Variants in NFX1 observed in about 807,000 individuals in gnomAD.
The protein encoded by NFX1 is nuclear transcription factor, X-box binding 1, also known as transcriptional repressor NF-X1.
NFX1 carries 69 observed loss-of-function variants against 137.2 expected under a neutral mutation model. The observed-to-expected ratio is 0.50, with a 90% CI of 0.41 to 0.61. The LOEUF is 0.61. Ranked by LOEUF, NFX1 falls within the 20% of genes least tolerant of loss-of-function variation. The pLI is 0.00. For missense variants in NFX1, 1,167 were observed against 1,391.0 expected, an observed-to-expected ratio of 0.84 and a Z score of 2.56; for synonymous variants, 495 against 474.1, an observed-to-expected ratio of 1.04 and a Z score of -0.57.
At chr9:33,333,134 CCA>C (rs10552550) in intron 11 of NFX1, among the ~76,000 whole-genome samples, 3,205 of 152,316 alleles carry the variant, frequency 0.021, 129 homozygotes, top group African/African-American at 0.073. Context: ...GCATGAGTCA[CCA>C]CACCGGCCTC....
In NFX1 at chr9:33,290,589, C is replaced by G; in HGVS notation, c.17C>G (p.Pro6Arg). 9.3e-6 allele frequency: 15 copies of G among 1,613,882 alleles called. No individual in the cohort carries two copies. Among genetic ancestry groups the G allele is most frequent in the Non-Finnish European group, 1.3e-5 (15 of 1,179,954 alleles). The change falls in exon 1 of 24, where the codon CCT (proline) becomes CGT (arginine). Residue 6 changes from proline (P) to arginine (R), a missense_variant. By Grantham distance (103) the Pro-to-Arg change is moderately radical (BLOSUM62 -2). Transcript: ENST00000379540. ...CGGCACGGGATGGCGGAGGCGCCTC[C>G]TGTCTCAGGTATTGTCCCGGCCCGA... Reference protein sequence around the residue: MAEAPPVSGTFKFNTD... With the variant: MAEAPRVSGTFKFNTD...
At chr9:33,355,028 G>A in intron 19 of NFX1, 136 bp downstream of exon 19, 1 of 777,604 alleles carries the variant, frequency 1.3e-6, no homozygotes, top group Non-Finnish European at 2.1e-6. Flanking sequence ...CAAGAGAAAT[G>A]CCGTTACCAA....
At chr9:33,298,485 A>T (rs968102132) in intron 2 of NFX1, among the ~76,000 whole-genome samples, 1 of 152,202 alleles carries the variant, frequency 6.6e-6, no homozygotes, top group Admixed American at 6.5e-5. Context: ...ATTCTAAAAT[A>T]ATCACTTAGG....
At chr9:33,354,778 C>A in intron 18 of NFX1, 73 bp from the exon 19 acceptor site, 1 of 1,395,234 alleles carries the variant, frequency 7.2e-7, no homozygotes, top group Non-Finnish European at 9.7e-7. Context: ...TTGACTGAGA[C>A]TTCCTTTTCT....
In NFX1 at chr9:33,313,938, G is replaced by A. The variant is rs1460166305; in HGVS notation, c.1588+145G>A. ...GAACTGGAGATACGATGCTTAGACG[G>A]TTTTTATTATTTTACCTGCATACCA... On this transcript the variant is annotated intron_variant, in intron 7 of 23. Coordinates refer to ENST00000379540, the MANE Select transcript of NFX1 (RefSeq NM_002504.6). The A allele has an allele frequency of 4.0e-6, 3 of 758,612 alleles. No individual in the cohort carries two copies. In the East Asian group the frequency reaches 7.9e-5, roughly 20 times the overall value. 47.0% of individuals were successfully genotyped at this position (758,612 alleles called of 1,614,324 possible).
chr9:33,330,537 A>G (rs1822767150), intron 10 of NFX1, among the ~76,000 whole-genome samples: 1 of 152,182 alleles, frequency 6.6e-6, no homozygotes, highest in Admixed American at 6.5e-5. Context: ...AAAGACTGAG[A>G]TGCTGTGATT....
chr9:33,294,655 C>T lies in NFX1; in HGVS notation c.261C>T (p.Phe87=). 5 of 1,614,182 alleles carry T rather than the reference C, an allele frequency of 3.1e-6. No homozygotes were observed. Among genetic ancestry groups the T allele is most frequent in the Non-Finnish European group, 4.2e-6 (5 of 1,180,030 alleles). The part of the protein sequence containing the change: ...GSKPKSQQTS[F]QSSPCNKSPK... ...AACCTAAGAGTCAGCAGACGTCTTT[C>T]CAGTCCTCTCCTTGTAATAAATCGC... Residue 87 remains phenylalanine, a synonymous_variant, in exon 2 of 24, where the codon TTC becomes TTT. Transcript: ENST00000379540.
At chr9:33,342,289 G>T (rs950689728) in intron 12 of NFX1, among the ~76,000 whole-genome samples, 7 of 151,902 alleles carry the variant, frequency 4.6e-5, no homozygotes, top group Non-Finnish European at 8.8e-5. Context: ...GTGAAACCTC[G>T]TCTCTACTAA....
chr9:33,368,848 C>T (rs978182928), intron 23 of NFX1, among the ~76,000 whole-genome samples: 16 of 152,170 alleles, frequency 1.1e-4, no homozygotes, highest in Admixed American at 5.2e-4. Flanking sequence ...CCATTGAGCT[C>T]AGACTCAGCC....
intron 2 of NFX1, among the ~76,000 whole-genome samples, chr9:33,296,608 G>T (rs1349002848): frequency 6.6e-6 from 1 of 152,172 alleles, no homozygotes; most frequent in Non-Finnish European, 1.5e-5. Context: ...GTTAGCACAT[G>T]CCTGTAGTCC....
intron 5 of NFX1, among the ~76,000 whole-genome samples, chr9:33,308,746 A>C (rs1385338370): frequency 1.3e-5 from 2 of 152,208 alleles, no homozygotes; most frequent in African/African-American, 4.8e-5. Context: ...CTTTCTGGCA[A>C]GTGATCAAAA....
At chr9:33,359,298 G>A (rs1439243002) in intron 19 of NFX1, among the ~76,000 whole-genome samples, 2 of 151,490 alleles carry the variant, frequency 1.3e-5, no homozygotes, top group African/African-American at 4.8e-5. Flanking sequence ...ATGGAGGGTG[G>A]TAATAATAGA....
chr9:33,302,430 T>G (rs1006619214), intron 3 of NFX1, among the ~76,000 whole-genome samples: 52 of 149,008 alleles, frequency 3.5e-4, no homozygotes, highest in African/African-American at 1.2e-3. Flanking sequence ...GGTGTGATCA[T>G]GTCTCACTGC....
At chr9:33,324,364 G>A (rs527556074) in intron 9 of NFX1, among the ~76,000 whole-genome samples, 1 of 152,046 alleles carries the variant, frequency 6.6e-6, no homozygotes, top group Non-Finnish European at 1.5e-5. Flanking sequence ...GGACGAGGGA[G>A]TAAGACTCCA....
intron 19 of NFX1, among the ~76,000 whole-genome samples, chr9:33,357,349 G>A (rs962272897): frequency 1.3e-4 from 19 of 151,908 alleles, no homozygotes; most frequent in African/African-American, 4.3e-4. Context: ...ATATATATAT[G>A]TGAGTCTGTT....
chr9:33,301,122 C>G lies in NFX1; in HGVS notation c.1034-141C>G, dbSNP rs567620459. 235 of 771,340 alleles carry G rather than the reference C, an allele frequency of 3.0e-4. 1 individual carries two copies. In the African/African-American group the frequency reaches 3.4e-3, roughly 11 times the overall value. 47.8% of individuals were successfully genotyped at this position (771,340 alleles called of 1,614,324 possible). A position where few individuals can be genotyped will look rare whatever the true frequency, so the allele number is the denominator to read the frequency against. On this transcript the variant is annotated intron_variant, in intron 2 of 23. Coordinates refer to ENST00000379540, the MANE Select transcript of NFX1 (RefSeq NM_002504.6). ...GGCCTCAGTCTGAATAGCCAGCTGC[C>G]TTACCCAGAATCAGATATCCCTTAA...
chr9:33,342,700 TA>T (rs1564135085), intron 12 of NFX1, 45 bp from the exon 13 acceptor site: 1 of 1,310,424 alleles, frequency 7.6e-7, no homozygotes, highest in Middle Eastern at 1.9e-4. Flanking sequence ...ATGGAAAATA[TA>T]AAATGAAGAC....
chr9:33,349,425 C>A (rs1823554038), intron 15 of NFX1, among the ~76,000 whole-genome samples: 1 of 152,132 alleles, frequency 6.6e-6, no homozygotes, highest in African/African-American at 2.4e-5. Context: ...ATCCCCTTTG[C>A]CCTGGTAGTA....
chr9:33,335,532 CTT>C (rs1162942425), intron 11 of NFX1, among the ~76,000 whole-genome samples: 3 of 151,942 alleles, frequency 2.0e-5, no homozygotes, highest in African/African-American at 4.8e-5. Flanking sequence ...CGTGCCCAAC[CTT>C]TTTTTAAATT....
Sources: gnomAD v4.1 joint callset for allele counts (sites outside exome capture counted in the v4.1 genomes callset) on GRCh38, gnomAD v4.1.1 for gene constraint, MANE v1.5 for transcripts, NCBI Gene and HGNC (gene_info 2026-07-23, HGNC 2026-07-21) for gene names.